Variants in RTCB observed in about 807,000 individuals in gnomAD.
RTCB encodes the protein RNA 2',3'-cyclic phosphate and 5'-OH ligase.
A neutral mutation model predicts 58.2 loss-of-function variants in RTCB; 32 were observed. The observed-to-expected ratio is 0.55, with a 90% CI of 0.41 to 0.74. RTCB has a LOEUF of 0.74. RTCB is among the 30% of genes least tolerant of loss of function. The probability of loss-of-function intolerance (pLI) is 0.00; values close to 1 mark genes in which losing one functional copy is unlikely to be tolerated. For synonymous variants in RTCB, 247 were observed against 218.6 expected (o/e 1.13, Z -1.15); for missense variants, 523 against 639.0 (o/e 0.82, Z 1.96).
intron 1 of RTCB, among the ~76,000 whole-genome samples, chr22:32,410,792 T>C (rs1933507476): frequency 6.6e-6 from 1 of 151,428 alleles, no homozygotes; most frequent in Admixed American, 6.6e-5. Flanking sequence ...CACGGGTCAC[T>C]GCAGCCAAGA....
intron 8 of RTCB, 42 bp downstream of exon 8, chr22:32,396,032 C>T: frequency 1.3e-6 from 2 of 1,598,906 alleles, no homozygotes; most frequent in Non-Finnish European, 8.6e-7. Context: ...CACTTAACAT[C>T]ATCATGAATG....
Position 32,407,214 on chromosome 22 carries a change from G to A in RTCB, c.241-453C>T, listed in dbSNP as rs16990406. 1,016 of 158,354 alleles carry A rather than the reference G, an allele frequency of 6.4e-3. 8 individuals are homozygous for A. The highest frequency in any genetic ancestry group is 0.023 in the African/African-American group (969 of 41,556). The allele number at this position is 158,354 out of a possible 1,614,324, so 9.8% of individuals were successfully genotyped here. A position where few individuals can be genotyped will look rare whatever the true frequency, so the allele number is the denominator to read the frequency against. Reference sequence around the variant, plus strand: ...ATACTGTAGACTTCCTACATGTGGAGCCTAGAAAAGGACCCTGACCCAGGA... The same window carrying A: ...ATACTGTAGACTTCCTACATGTGGAACCTAGAAAAGGACCCTGACCCAGGA... On this transcript the variant is annotated intron_variant, in intron 3 of 11. Transcript: ENST00000216038.
At chr22:32,402,221 C>A (rs929876444) in intron 4 of RTCB, among the ~76,000 whole-genome samples, 3 of 152,178 alleles carry the variant, frequency 2.0e-5, no homozygotes, top group Non-Finnish European at 4.4e-5. Flanking sequence ...TCAGTCTTTT[C>A]AAATAACCAA....
chr22:32,399,672 C>T lies in RTCB; in HGVS notation c.585G>A (p.Glu195=). ...AWAEDKEHCE[E]YGRMLQADPN... is the part of the protein sequence containing the mutation. Reference sequence around the variant, plus strand: ...GGTCAGCCTGCAGCATCCTTCCGTACTCCTCGCAGTGCTCCTTGTCTTCAG... The same window carrying T: ...GGTCAGCCTGCAGCATCCTTCCGTATTCCTCGCAGTGCTCCTTGTCTTCAG... Residue 195 remains glutamate (E), a synonymous_variant, in exon 6 of 12, where the codon GAG becomes GAA. Transcript: ENST00000216038. The T allele has an allele frequency of 1.2e-6, 2 of 1,614,144 alleles. No individual in the cohort carries two copies. Among genetic ancestry groups the T allele is most frequent in the Non-Finnish European group, 1.7e-6 (2 of 1,180,026 alleles).
intron 4 of RTCB, among the ~76,000 whole-genome samples, chr22:32,406,263 T>C (rs1933418120): frequency 1.3e-5 from 2 of 152,044 alleles, no homozygotes; most frequent in African/African-American, 2.4e-5. Context: ...ATGATGAGAC[T>C]GAGTCATGCA....
Position 32,395,066 on chromosome 22 carries a change from G to A in RTCB, c.1139C>T (p.Ala380Val). ...AATGAGGGGATGGTGAGGAGGGAAA[G>A]CGCGGGTGGATCCCTTCCTGTGTAC... Reference protein sequence around the residue: ...LLVHRKGSTRAFPPHHPLIAV... With the variant: ...LLVHRKGSTRVFPPHHPLIAV... The change falls in exon 9 of 12, where the codon GCT (alanine) becomes GTT (valine). Residue 380 changes from alanine (A) to valine (V), a missense_variant. Transcript: ENST00000216038. 1 of 1,614,160 alleles carries A rather than the reference G, an allele frequency of 6.2e-7. No homozygotes were observed. Among genetic ancestry groups the A allele is most frequent in the East Asian group, 2.2e-5 (1 of 44,884 alleles).
chr22:32,399,749 C>T lies in RTCB; in HGVS notation c.508G>A (p.Glu170Lys). The change falls in exon 6 of 12, where the codon GAG becomes AAG. Residue 170 changes from glutamate to lysine, a missense_variant. This residue lies in a region of RTCB where 141 missense variants were observed against 216.7 expected (regional missense o/e 0.65). Coordinates refer to ENST00000216038, the MANE Select transcript of RTCB (RefSeq NM_014306.5). ...CAGTCCACCCCCATCTCCAAGGCCT[C>T]CTCCAAGTCTCTGGATAAGTATAAA... Reference protein sequence around the residue: ...VIPMNAKDLEEALEMGVDWSL... With the variant: ...VIPMNAKDLEKALEMGVDWSL... 1 of 1,613,406 alleles carries T rather than the reference C, an allele frequency of 6.2e-7. No individual in the cohort carries two copies. The highest frequency in any genetic ancestry group is 8.5e-7 in the Non-Finnish European group (1 of 1,179,682).
At position 32,401,902 on chromosome 22, in the gene RTCB, A is replaced by G; in HGVS notation, c.342T>C (p.Gly114=). The G allele has an allele frequency of 6.2e-7, 1 of 1,613,580 alleles. No homozygotes were observed. The highest frequency in any genetic ancestry group is 8.5e-7 in the Non-Finnish European group (1 of 1,179,616). Residue 114 remains glycine (G), a splice_region_variant and synonymous_variant, in exon 5 of 12, where the codon GGT becomes GGC. Coordinates refer to ENST00000216038, the MANE Select transcript of RTCB (RefSeq NM_014306.5). ...CACAGTTGATGTCAAACCCGACACC[A>G]CCTACAAAATAGAGAAAAGTTAGCA... ...MNDPEAVVSP[G]GVGFDINCGV...
At chr22:32,393,266 C>G (rs533927520) in intron 10 of RTCB, among the ~76,000 whole-genome samples, 25 of 152,286 alleles carry the variant, frequency 1.6e-4, no homozygotes, top group Admixed American at 1.6e-3. Context: ...ACAGCATTGC[C>G]CATTTACACA....
rs1250308863 is a variant in RTCB at position 32,399,671 on chromosome 22, A to T, written c.586T>A (p.Tyr196Asn). 2 of 1,613,578 alleles carry T rather than the reference A, an allele frequency of 1.2e-6. No homozygotes were observed. The highest frequency in any genetic ancestry group is 1.7e-6 in the Non-Finnish European group (2 of 1,179,884). The change falls in exon 6 of 12, where the codon TAC becomes AAC. Residue 196 changes from tyrosine to asparagine, a missense_variant. Physicochemically the swap from Tyr to Asn is moderately radical, Grantham distance 143. Transcript: ENST00000216038. ...GGGTCAGCCTGCAGCATCCTTCCGTACTCCTCGCAGTGCTCCTTGTCTTCA... is the reference window on the plus strand; with the variant it reads ...GGGTCAGCCTGCAGCATCCTTCCGTTCTCCTCGCAGTGCTCCTTGTCTTCA... ...WAEDKEHCEE[Y>N]GRMLQADPNK... is the part of the protein sequence containing the mutation.
chr22:32,408,682 T>G, intron 2 of RTCB, 73 bp downstream of exon 2: 3 of 1,076,104 alleles, frequency 2.8e-6, no homozygotes, highest in Non-Finnish European at 4.3e-6. Flanking sequence ...TTATAATTAT[T>G]TGAGTTGCCA....
chr22:32,406,604 A>T (rs1933426218), intron 4 of RTCB, 58 bp downstream of exon 4: 1 of 1,206,100 alleles, frequency 8.3e-7, no homozygotes. Flanking sequence ...TACAGACGTG[A>T]GCCACCGTGC....
At chr22:32,401,957 A>G (rs929852182) in intron 4 of RTCB, 54 bp from the exon 5 acceptor site, 1 of 1,551,342 alleles carries the variant, frequency 6.4e-7, no homozygotes, top group Non-Finnish European at 8.9e-7. Context: ...TGTTACCTGC[A>G]GTTTCTCGCC....
chr22:32,400,113 AC>A, intron 5 of RTCB: 1 of 160,672 alleles, frequency 6.2e-6, no homozygotes, highest in African/African-American at 3.0e-5. Flanking sequence ...AAAACAAAAA[AC>A]AACAACAACA....
intron 7 of RTCB, among the ~76,000 whole-genome samples, chr22:32,397,345 G>A (rs1263709035): frequency 6.6e-6 from 1 of 152,122 alleles, no homozygotes; most frequent in African/African-American, 2.4e-5. Flanking sequence ...TGTCCAAACT[G>A]TGAGATCCAG....
chr22:32,405,050 C>T (rs530332024), intron 4 of RTCB, among the ~76,000 whole-genome samples: 27 of 152,134 alleles, frequency 1.8e-4, no homozygotes, highest in African/African-American at 6.0e-4. Context: ...GGTCCAGAGA[C>T]CCTGGGGTGG....
At chr22:32,388,369 T>C (rs1933094859) in intron 11 of RTCB, among the ~76,000 whole-genome samples, 1 of 151,978 alleles carries the variant, frequency 6.6e-6, no homozygotes, top group Admixed American at 6.6e-5. Flanking sequence ...ATGTAGTAAA[T>C]GTAAGTAAAT....
At chr22:32,404,244 C>T (rs1933384358) in intron 4 of RTCB, among the ~76,000 whole-genome samples, 1 of 152,156 alleles carries the variant, frequency 6.6e-6, no homozygotes. Flanking sequence ...ATACTGTTTA[C>T]CATAATGGCT....
intron 6 of RTCB, among the ~76,000 whole-genome samples, chr22:32,398,957 C>T (rs1469900482): frequency 6.6e-6 from 1 of 152,116 alleles, no homozygotes; most frequent in African/African-American, 2.4e-5. Context: ...GTCTTGCCCA[C>T]GTGTCACACT....
Sources: gnomAD v4.1 joint callset for allele counts (sites outside exome capture counted in the v4.1 genomes callset) on GRCh38, gnomAD v4.1.1 for gene constraint, gnomAD v4.1.1 regional missense constraint, MANE v1.5 for transcripts, NCBI Gene and HGNC (gene_info 2026-07-23, HGNC 2026-07-21) for gene names.